PIP5K1B: variants seen among roughly 807,000 people sequenced by gnomAD.
The protein encoded by PIP5K1B is phosphatidylinositol 4-phosphate 5-kinase type-1 beta.
In PIP5K1B, 42 loss-of-function variants were observed where a neutral mutation model predicts 67.0. The ratio of observed to expected loss-of-function variants is 0.63; its 90% CI spans 0.49 to 0.81. PIP5K1B has a LOEUF of 0.81. Among genes scored for constraint, PIP5K1B ranks in the 30% least tolerant of loss-of-function variants. The probability of loss-of-function intolerance (pLI) is 0.00; values close to 1 mark genes in which losing one functional copy is unlikely to be tolerated. For missense variants in PIP5K1B, 459 were observed against 646.3 expected, an observed-to-expected ratio of 0.71 and a Z score of 3.14; for synonymous variants, 214 against 231.4, an observed-to-expected ratio of 0.92 and a Z score of 0.68.
At chr9:68,937,243 A>T (rs1230468865) in intron 13 of PIP5K1B, among the ~76,000 whole-genome samples, 1 of 152,116 alleles carries the variant, frequency 6.6e-6, no homozygotes, top group East Asian at 1.9e-4. Context: ...CTGGTCCTGG[A>T]CTTTTTCTGG....
intron 1 of PIP5K1B, among the ~76,000 whole-genome samples, chr9:68,713,802 C>T (rs1468018052): frequency 6.6e-6 from 1 of 152,148 alleles, no homozygotes; most frequent in Non-Finnish European, 1.5e-5. Context: ...TAAACATGGT[C>T]CTGGCTGTCA....
At chr9:68,751,488 A>G (rs1162900659) in intron 2 of PIP5K1B, among the ~76,000 whole-genome samples, 1 of 152,208 alleles carries the variant, frequency 6.6e-6, no homozygotes. Flanking sequence ...CAACTTTCAC[A>G]AAGATTGAGA....
intron 7 of PIP5K1B, among the ~76,000 whole-genome samples, chr9:68,893,427 G>A (rs900748009): frequency 6.8e-6 from 1 of 145,986 alleles, no homozygotes; most frequent in Admixed American, 7.2e-5. Flanking sequence ...TCTGCCTGCC[G>A]GGTTAAAGCA....
chr9:68,941,082 A>C (rs1827538891), intron 14 of PIP5K1B: 4 of 505,682 alleles, frequency 7.9e-6, no homozygotes, highest in South Asian at 6.1e-5. Flanking sequence ...ATTTTTTAGG[A>C]ATGGGTTTCT....
rs551923576 is a variant in PIP5K1B, at chr9:68,728,578, A to G, written c.-242-13923A>G. Among the ~76,000 whole-genome samples the G allele has an allele frequency of 2.6e-5, 4 of 152,282 alleles. No homozygotes were observed. In the South Asian group the frequency reaches 8.3e-4, roughly 32 times the overall value. Reference sequence around the variant, plus strand: ...AGAGAAACAAACTGCAGATATGGGGAAAACATTCCAAGTAGAAGGGATGAA... The same window carrying G: ...AGAGAAACAAACTGCAGATATGGGGGAAACATTCCAAGTAGAAGGGATGAA... On this transcript the variant is annotated intron_variant, in intron 1 of 15. Transcript: ENST00000265382.
At chr9:68,831,042 C>G (rs1374884667) in intron 4 of PIP5K1B, among the ~76,000 whole-genome samples, 6 of 152,130 alleles carry the variant, frequency 3.9e-5, no homozygotes, top group Non-Finnish European at 8.8e-5. Flanking sequence ...ATTTAAAATT[C>G]TAAAGTTCTC....
intron 8 of PIP5K1B, among the ~76,000 whole-genome samples, chr9:68,915,390 T>C (rs1826046075): frequency 6.6e-6 from 1 of 152,178 alleles, no homozygotes; most frequent in African/African-American, 2.4e-5. Flanking sequence ...TTAAGGCCCT[T>C]CTACCACTTG....
intron 8 of PIP5K1B, among the ~76,000 whole-genome samples, chr9:68,899,860 C>T (rs1478277257): frequency 1.3e-5 from 2 of 152,182 alleles, no homozygotes; most frequent in African/African-American, 4.8e-5. Flanking sequence ...TTTCATCACT[C>T]AGGTAATAAG....
intron 4 of PIP5K1B, among the ~76,000 whole-genome samples, chr9:68,828,592 G>A (rs1170094037): frequency 3.9e-5 from 6 of 152,198 alleles, no homozygotes; most frequent in Non-Finnish European, 8.8e-5. Flanking sequence ...CACATTCCAA[G>A]GAAAGATGCC....
At chr9:68,751,939 C>T (rs999913165) in intron 2 of PIP5K1B, among the ~76,000 whole-genome samples, 3 of 152,168 alleles carry the variant, frequency 2.0e-5, no homozygotes, top group Admixed American at 6.5e-5. Flanking sequence ...ACCTCAAGCT[C>T]AGATTCCCTA....
At chr9:68,970,381 G>A (rs1024828152) in intron 14 of PIP5K1B, among the ~76,000 whole-genome samples, 2 of 152,204 alleles carry the variant, frequency 1.3e-5, no homozygotes, top group Non-Finnish European at 2.9e-5. Flanking sequence ...AACAGGATTG[G>A]CCTAAGCTTT....
chr9:68,986,220 G>C lies in PIP5K1B; in HGVS notation c.1503-4920G>C, dbSNP rs187205429. ...TACATTCCCATCAGCAGTGTATGAG[G>C]GCTTCAGTTGCTCTACCTCCTCTCC... On this transcript the variant is annotated intron_variant, in intron 14 of 15. Transcript: ENST00000265382. 2.3e-3 allele frequency among the ~76,000 whole-genome samples: 347 copies of C among 152,208 alleles called. 1 individual carries two copies. Among genetic ancestry groups the C allele is most frequent in the Non-Finnish European group, 4.5e-3 (307 of 68,012 alleles).
chr9:68,959,660 A>G (rs139596311), intron 14 of PIP5K1B, among the ~76,000 whole-genome samples: 434 of 152,246 alleles, frequency 2.9e-3, no homozygotes, highest in Non-Finnish European at 4.5e-3. Flanking sequence ...CATAATTCCT[A>G]TTAGATTGTA....
intron 2 of PIP5K1B, among the ~76,000 whole-genome samples, chr9:68,755,310 T>C (rs1290285797): frequency 6.6e-6 from 1 of 152,196 alleles, no homozygotes; most frequent in Non-Finnish European, 1.5e-5. Context: ...GATAGCACCA[T>C]GGCACCTTGA....
chr9:68,919,605 T>C (rs1332172715), intron 10 of PIP5K1B, 43 bp downstream of exon 10: 6 of 1,400,914 alleles, frequency 4.3e-6, no homozygotes, highest in Non-Finnish European at 5.0e-6. Flanking sequence ...TCAAAATCAA[T>C]CTACAAAAGG....
chr9:68,914,530 A>T lies in PIP5K1B; in HGVS notation c.772-3018A>T, dbSNP rs186712902. ...GGAGATTGAGACCTTCCTGGCTAAC[A>T]TGGTGAAACCCCGTCTCTACTAAAA... is the stretch of plus-strand genomic sequence containing the variant. On this transcript the variant is annotated intron_variant, in intron 8 of 15. Transcript: ENST00000265382. Among the ~76,000 whole-genome samples the T allele has an allele frequency of 2.6e-3, 390 of 152,226 alleles. 2 individuals carry two copies. The highest frequency in any genetic ancestry group is 0.013 in the South Asian group (62 of 4,816).
intron 12 of PIP5K1B, among the ~76,000 whole-genome samples, chr9:68,928,245 T>C (rs1201991705): frequency 2.0e-5 from 3 of 152,218 alleles, no homozygotes; most frequent in African/African-American, 4.8e-5. Context: ...TGTGAGTCTT[T>C]CAGCTACTCT....
chr9:68,965,990 A>G (rs1829009812), intron 14 of PIP5K1B, among the ~76,000 whole-genome samples: 4 of 151,912 alleles, frequency 2.6e-5, no homozygotes, highest in Admixed American at 2.6e-4. Flanking sequence ...AAAAAAAAAA[A>G]AAGCTATTTG....
chr9:68,794,801 G>A (rs1012466508), intron 2 of PIP5K1B, among the ~76,000 whole-genome samples: 3 of 151,962 alleles, frequency 2.0e-5, no homozygotes, highest in Admixed American at 2.0e-4. Flanking sequence ...GAGAGGAGAG[G>A]ACCAGTAATG....
Sources: allele counts gnomAD v4.1 joint callset (sites outside exome capture counted in the v4.1 genomes callset), GRCh38; gene constraint gnomAD v4.1.1; transcripts MANE v1.5; gene names NCBI Gene and HGNC (gene_info 2026-07-23, HGNC 2026-07-21).